The following FRS2 variants were observed in gnomAD, a reference collection of about 807,000 sequenced individuals.
The protein encoded by FRS2 is FGFR signalling adaptor.
In FRS2, 8 loss-of-function variants were observed where a neutral mutation model predicts 43.9. The observed-to-expected ratio is 0.18, with a 90% CI of 0.11 to 0.33. The LOEUF (loss-of-function observed/expected upper bound fraction) is 0.33. Among genes scored for constraint, FRS2 ranks in the 10% least tolerant of loss-of-function variants. The pLI, the probability that FRS2 is intolerant of heterozygous loss-of-function variation, is 1.00. For synonymous variants in FRS2, 219 were observed against 220.3 expected, an observed-to-expected ratio of 0.99 and a Z score of 0.05; for missense variants, 534 against 627.6, an observed-to-expected ratio of 0.85 and a Z score of 1.59.
chr12:69,531,579 A>G (rs975031861), intron 2 of FRS2, among the ~76,000 whole-genome samples: 6 of 152,228 alleles, frequency 3.9e-5, no homozygotes, highest in Admixed American at 1.3e-4. Flanking sequence ...ATGGAATTAG[A>G]TGATGTGGTC....
chr12:69,522,169 G>T (rs1875722947), intron 1 of FRS2, among the ~76,000 whole-genome samples: 1 of 148,640 alleles, frequency 6.7e-6, no homozygotes, highest in Non-Finnish European at 1.5e-5. Flanking sequence ...TGTTTATCAA[G>T]GATATTGGCT....
chr12:69,485,087 A>ACACACG (rs1871722827), intron 1 of FRS2, among the ~76,000 whole-genome samples: 1 of 99,770 alleles, frequency 1.0e-5, no homozygotes, highest in Admixed American at 1.0e-4. Flanking sequence ...CTTAAAACAC[A>ACACACG]CACACACACA....
intron 1 of FRS2, among the ~76,000 whole-genome samples, chr12:69,482,042 C>T (rs893328850): frequency 2.0e-5 from 3 of 149,672 alleles, no homozygotes; most frequent in Non-Finnish European, 3.0e-5. Context: ...AATAATATAC[C>T]TTATATTTGT....
Position 69,572,117 on chromosome 12 carries a change from G to C in FRS2, c.413-1G>C. On this transcript the variant is annotated splice_acceptor_variant, in intron 7 of 8. Coordinates refer to ENST00000549921, the MANE Select transcript of FRS2 (RefSeq NM_001278356.2). LOFTEE classifies it high-confidence loss of function. ...CCTTAAACCAATAAACAAAAACTCA[G>C]CTCCAGGATTTGCTGCTCAGAACTT... 6 of 1,612,076 alleles carry C rather than the reference G, an allele frequency of 3.7e-6. No individual in the cohort carries two copies. Among genetic ancestry groups the C allele is most frequent in the Non-Finnish European group, 5.1e-6 (6 of 1,178,866 alleles).
intron 1 of FRS2, among the ~76,000 whole-genome samples, chr12:69,501,286 A>G (rs1407139053): frequency 6.6e-6 from 1 of 152,206 alleles, no homozygotes; most frequent in Non-Finnish European, 1.5e-5. Flanking sequence ...CCAGGACACA[A>G]AGCTCTGTAA....
At chr12:69,533,936 G>A (rs925617087) in intron 3 of FRS2, among the ~76,000 whole-genome samples, 8 of 152,106 alleles carry the variant, frequency 5.3e-5, no homozygotes, top group Admixed American at 3.9e-4. Context: ...TGCTATTCTA[G>A]GTCATTTTAG....
chr12:69,505,760 G>A (rs1031752354), intron 1 of FRS2, among the ~76,000 whole-genome samples: 5 of 152,170 alleles, frequency 3.3e-5, no homozygotes, highest in Non-Finnish European at 5.9e-5. Context: ...AGTCTACATT[G>A]AGTTTGCGTG....
At chr12:69,547,299 A>G (rs1197891570) in intron 3 of FRS2, among the ~76,000 whole-genome samples, 1 of 152,156 alleles carries the variant, frequency 6.6e-6, no homozygotes, top group Non-Finnish European at 1.5e-5. Flanking sequence ...CGCCTCTACA[A>G]AACATTAAAA....
intron 1 of FRS2, among the ~76,000 whole-genome samples, chr12:69,499,274 G>A (rs926781059): frequency 6.6e-6 from 1 of 152,170 alleles, no homozygotes; most frequent in Non-Finnish European, 1.5e-5. Flanking sequence ...GGTCAATTTA[G>A]AGGACAGACA....
intron 1 of FRS2, among the ~76,000 whole-genome samples, chr12:69,472,673 G>A (rs144047990): frequency 6.6e-6 from 1 of 152,284 alleles, no homozygotes; most frequent in Admixed American, 6.5e-5. Flanking sequence ...TGCTATGCAT[G>A]TTATGCTATG....
chr12:69,535,137 C>T (rs1189752585), intron 3 of FRS2, among the ~76,000 whole-genome samples: 1 of 152,032 alleles, frequency 6.6e-6, no homozygotes, highest in Non-Finnish European at 1.5e-5. Context: ...CTCAAGGCAT[C>T]CAAAGATAGG....
intron 3 of FRS2, among the ~76,000 whole-genome samples, chr12:69,536,179 T>G (rs71454233): frequency 7.4e-6 from 1 of 135,756 alleles, no homozygotes; most frequent in Admixed American, 8.2e-5. Flanking sequence ...GGCTGGAGTG[T>G]AGTGGCATGA....
At chr12:69,489,034 T>G (rs946334772) in intron 1 of FRS2, among the ~76,000 whole-genome samples, 1 of 152,196 alleles carries the variant, frequency 6.6e-6, no homozygotes, top group Non-Finnish European at 1.5e-5. Flanking sequence ...ACTGAATTAT[T>G]ATTCCTCTTT....
At chr12:69,509,262 C>T (rs1199110571) in intron 1 of FRS2, among the ~76,000 whole-genome samples, 3 of 152,108 alleles carry the variant, frequency 2.0e-5, no homozygotes, top group Non-Finnish European at 4.4e-5. Flanking sequence ...AGATGCATCT[C>T]CAGACTCTTA....
At chr12:69,554,746 C>T (rs1879193187) in intron 3 of FRS2, among the ~76,000 whole-genome samples, 2 of 152,212 alleles carry the variant, frequency 1.3e-5, no homozygotes, top group African/African-American at 4.8e-5. Context: ...ACACTGTTGC[C>T]CAGGCTAGAG....
chr12:69,547,437 A>G (rs1208751295), intron 3 of FRS2, among the ~76,000 whole-genome samples: 1 of 152,142 alleles, frequency 6.6e-6, no homozygotes, highest in Non-Finnish European at 1.5e-5. Flanking sequence ...CCTCCTGCCT[A>G]GTTGACAGAG....
At chr12:69,568,958 T>G in intron 4 of FRS2, 47 bp from the exon 5 acceptor site, 1 of 903,654 alleles carries the variant, frequency 1.1e-6, no homozygotes, top group Non-Finnish European at 1.8e-6. Context: ...GTTTACAGTT[T>G]TTGTATCCTT....
chr12:69,554,614 TAACTA>T (rs1442043619), intron 3 of FRS2, among the ~76,000 whole-genome samples: 4 of 152,250 alleles, frequency 2.6e-5, no homozygotes, highest in Admixed American at 6.5e-5. Flanking sequence ...ACAATACTAT[TAACTA>T]AACTACAGAC....
chr12:69,488,708 C>T (rs536109810), intron 1 of FRS2, among the ~76,000 whole-genome samples: 47 of 152,326 alleles, frequency 3.1e-4, no homozygotes, highest in African/African-American at 1.1e-3. Context: ...ATACTAGCCT[C>T]TGAATCTTTT....
Sources: gnomAD v4.1 joint callset for allele counts (sites outside exome capture counted in the v4.1 genomes callset) on GRCh38, gnomAD v4.1.1 for gene constraint, MANE v1.5 for transcripts, NCBI Gene and HGNC (gene_info 2026-07-23, HGNC 2026-07-21) for gene names.